Variants in OSBPL10 observed in about 807,000 individuals in gnomAD.
The protein encoded by OSBPL10 is oxysterol binding protein like 10.
A neutral mutation model predicts 81.7 loss-of-function variants in OSBPL10; 49 were observed. The ratio of observed to expected loss-of-function variants is 0.60; its 90% CI spans 0.48 to 0.76. OSBPL10 has a LOEUF of 0.76. OSBPL10 is among the 30% of genes least tolerant of loss of function. The pLI, the probability that OSBPL10 is intolerant of heterozygous loss-of-function variation, is 0.00. For synonymous variants in OSBPL10, 419 were observed against 383.6 expected (o/e 1.09, Z -1.08); for missense variants, 923 against 987.8 (o/e 0.93, Z 0.88).
intron 4 of OSBPL10, among the ~76,000 whole-genome samples, chr3:31,823,390 A>G (rs1274730112): frequency 1.3e-5 from 2 of 152,224 alleles, no homozygotes; most frequent in Non-Finnish European, 2.9e-5. Context: ...GGTCTGGCAC[A>G]TAGAAGGTGC....
At chr3:31,685,258 G>A (rs768002771) in intron 7 of OSBPL10, among the ~76,000 whole-genome samples, 11 of 152,140 alleles carry the variant, frequency 7.2e-5, no homozygotes, top group South Asian at 2.1e-4. Context: ...GCTGGAGTGC[G>A]GTGGCACAAT....
chr3:31,682,128 A>G (rs1700664959), intron 8 of OSBPL10, among the ~76,000 whole-genome samples: 1 of 152,050 alleles, frequency 6.6e-6, no homozygotes, highest in Admixed American at 6.5e-5. Context: ...TACTTCCTCC[A>G]CTATTTTCCA....
intron 6 of OSBPL10, among the ~76,000 whole-genome samples, chr3:31,722,082 T>C (rs775786789): frequency 6.6e-6 from 1 of 152,120 alleles, no homozygotes; most frequent in Non-Finnish European, 1.5e-5. Flanking sequence ...ATTCACCTCA[T>C]TCTCACCAAC....
Position 31,809,294 on chromosome 3 carries a change from C to T in OSBPL10, c.729+20746G>A, listed in dbSNP as rs76882075. Among the ~76,000 whole-genome samples, 152 of 152,282 alleles carry T rather than the reference C, an allele frequency of 1.0e-3. 1 individual carries two copies. The highest frequency in any genetic ancestry group is 3.6e-3 in the African/African-American group (148 of 41,558). On this transcript the variant is annotated intron_variant, in intron 4 of 11. Transcript: ENST00000396556. ...CAGGAAGTAATAGCCTCCCTATTTA[C>T]AAGTCGCCCAATCAAGTAGAACATG...
At chr3:31,810,743 T>C (rs1248702504) in intron 4 of OSBPL10, among the ~76,000 whole-genome samples, 1 of 152,188 alleles carries the variant, frequency 6.6e-6, no homozygotes, top group East Asian at 1.9e-4. Flanking sequence ...ATACAAGTTT[T>C]CCCCTAGCCA....
chr3:31,980,679 C>T (rs926456195), intron 1 of OSBPL10, among the ~76,000 whole-genome samples: 2 of 152,212 alleles, frequency 1.3e-5, no homozygotes, highest in East Asian at 1.9e-4. Flanking sequence ...CCCGCCACTG[C>T]GGTGCGGTCC....
At chr3:32,068,905 G>A (rs13084065) in intron 1 of OSBPL10, among the ~76,000 whole-genome samples, 113,871 of 151,584 alleles carry the variant, frequency 0.75, 43,602 homozygotes, top group East Asian at 1. Context: ...TCCTCAGGTC[G>A]CTCCCCGTCA....
intron 1 of OSBPL10, chr3:31,960,395 G>A (rs1575061950): frequency 6.6e-6 from 1 of 152,150 alleles, no homozygotes; most frequent in Admixed American, 6.5e-5. Flanking sequence ...TGCATTCAGG[G>A]TATTCACATT....
chr3:31,783,132 TATATATATATATATAC>T (rs1559462903), intron 4 of OSBPL10, among the ~76,000 whole-genome samples: 1 of 132,988 alleles, frequency 7.5e-6, no homozygotes, highest in South Asian at 2.2e-4. Flanking sequence ...TATATATATA[TATATATATATATATAC>T]ACACACACCA....
At chr3:32,003,462 G>A (rs1215289325) in intron 2 of OSBPL10, among the ~76,000 whole-genome samples, 1 of 152,194 alleles carries the variant, frequency 6.6e-6, no homozygotes, top group Non-Finnish European at 1.5e-5. Flanking sequence ...CCTGTTTCCT[G>A]AGGACATTTA....
intron 1 of OSBPL10, among the ~76,000 whole-genome samples, chr3:31,895,218 G>C (rs1234045298): frequency 3.5e-5 from 5 of 141,402 alleles, no homozygotes; most frequent in Admixed American, 2.9e-4. Flanking sequence ...ACTGCTAGCT[G>C]TCTCCCGGGT....
chr3:31,961,444 T>G (rs762998297), intron 1 of OSBPL10, among the ~76,000 whole-genome samples: 2 of 152,142 alleles, frequency 1.3e-5, no homozygotes, highest in Non-Finnish European at 2.9e-5. Flanking sequence ...GCTGTGCATG[T>G]GTTGGAGTAG....
intron 11 of OSBPL10, chr3:31,662,664 G>A: frequency 1.1e-5 from 11 of 985,678 alleles, no homozygotes; most frequent in Non-Finnish European, 1.2e-5. Flanking sequence ...CTGAATAACT[G>A]TGCTGGTGTT....
chr3:31,794,166 C>T (rs1559467967), intron 4 of OSBPL10, among the ~76,000 whole-genome samples: 1 of 152,204 alleles, frequency 6.6e-6, no homozygotes, highest in Non-Finnish European at 1.5e-5. Context: ...TGTTTTGAGA[C>T]AGAGTCTTGC....
chr3:32,049,502 T>G (rs1288854898), intron 1 of OSBPL10, among the ~76,000 whole-genome samples: 1 of 152,108 alleles, frequency 6.6e-6, no homozygotes, highest in Non-Finnish European at 1.5e-5. Flanking sequence ...AAGGCTCCTC[T>G]TAATAAAAGG....
intron 1 of OSBPL10, among the ~76,000 whole-genome samples, chr3:32,049,339 C>A (rs1189949888): frequency 2.0e-5 from 3 of 152,120 alleles, no homozygotes; most frequent in Non-Finnish European, 2.9e-5. Context: ...CATGAAGGGA[C>A]TATACTGGGG....
At chr3:31,672,366 G>T (rs1354318207) in intron 8 of OSBPL10, among the ~76,000 whole-genome samples, 2 of 122,040 alleles carry the variant, frequency 1.6e-5, no homozygotes, top group South Asian at 3.9e-4. Context: ...GGGGGCGGGG[G>T]GGGGGGCAGG....
At chr3:31,809,103 G>A (rs925390241) in intron 4 of OSBPL10, among the ~76,000 whole-genome samples, 2 of 152,130 alleles carry the variant, frequency 1.3e-5, no homozygotes, top group Non-Finnish European at 2.9e-5. Flanking sequence ...AGACATACTA[G>A]CCAACAAAAT....
At chr3:31,968,829 G>C (rs1698477321) in intron 1 of OSBPL10, among the ~76,000 whole-genome samples, 1 of 152,154 alleles carries the variant, frequency 6.6e-6, no homozygotes, top group Non-Finnish European at 1.5e-5. Context: ...ATCAGCTGCA[G>C]ACTTCTCATA....
Sources: gnomAD v4.1 joint callset for allele counts (sites outside exome capture counted in the v4.1 genomes callset) on GRCh38, gnomAD v4.1.1 for gene constraint, MANE v1.5 for transcripts, NCBI Gene and HGNC (gene_info 2026-07-23, HGNC 2026-07-21) for gene names.